Variants in DIS3L2 observed in about 807,000 individuals in gnomAD.
DIS3L2 encodes the protein DIS3 like 3'-5' exoribonuclease 2.
A neutral mutation model predicts 97.5 loss-of-function variants in DIS3L2; 34 were observed. That is an observed-to-expected ratio of 0.35 (90% CI 0.27 to 0.46). DIS3L2 has a LOEUF of 0.46. DIS3L2 is among the 20% of genes least tolerant of loss of function. The pLI is 1.00. For synonymous variants in DIS3L2, 435 were observed against 445.2 expected (o/e 0.98, Z 0.29); for missense variants, 1,038 against 1,146.0 (o/e 0.91, Z 1.36).
intron 5 of DIS3L2, among the ~76,000 whole-genome samples, chr2:232,049,554 G>C (rs1257659332): frequency 6.6e-6 from 1 of 152,142 alleles, no homozygotes; most frequent in Non-Finnish European, 1.5e-5. Context: ...CAGCAAGAAA[G>C]CCCTCACCAG....
At chr2:232,316,465 G>A (rs572348916) in intron 14 of DIS3L2, among the ~76,000 whole-genome samples, 17 of 152,048 alleles carry the variant, frequency 1.1e-4, no homozygotes, top group Admixed American at 9.8e-4. Flanking sequence ...TCACTTCTCC[G>A]TGGCTGTCCG....
intron 13 of DIS3L2, among the ~76,000 whole-genome samples, chr2:232,264,992 A>G (rs1008336768): frequency 2.0e-5 from 3 of 152,230 alleles, no homozygotes; most frequent in Admixed American, 2.0e-4. Context: ...GCTGAAGAAG[A>G]CAGCAGACAT....
At chr2:232,058,687 GAGTT>G (rs1695614593) in intron 5 of DIS3L2, among the ~76,000 whole-genome samples, 1 of 152,110 alleles carries the variant, frequency 6.6e-6, no homozygotes, top group African/African-American at 2.4e-5. Context: ...AGTCAATAAG[GAGTT>G]AGATAATGCC....
intron 10 of DIS3L2, among the ~76,000 whole-genome samples, chr2:232,216,343 A>G (rs563363258): frequency 1.4e-4 from 22 of 152,252 alleles, no homozygotes; most frequent in Admixed American, 9.2e-4. Context: ...TTGGCTCTAA[A>G]TGTGGGCTTT....
At chr2:231,996,099 G>A (rs1693723316) in intron 1 of DIS3L2, among the ~76,000 whole-genome samples, 1 of 152,220 alleles carries the variant, frequency 6.6e-6, no homozygotes, top group South Asian at 2.1e-4. Flanking sequence ...GCTACAGCAA[G>A]GTCAACTAAG....
intron 14 of DIS3L2, among the ~76,000 whole-genome samples, chr2:232,321,021 G>T (rs1695416213): frequency 6.6e-6 from 1 of 152,202 alleles, no homozygotes; most frequent in Admixed American, 6.5e-5. Context: ...AGGTGGGCTT[G>T]GGTGCGGGGA....
At chr2:232,174,613 T>C (rs1328448103) in intron 9 of DIS3L2, among the ~76,000 whole-genome samples, 1 of 150,708 alleles carries the variant, frequency 6.6e-6, no homozygotes, top group Non-Finnish European at 1.5e-5. Context: ...AAAAAAATTG[T>C]TAGCTCTGTT....
intron 10 of DIS3L2, among the ~76,000 whole-genome samples, chr2:232,220,649 G>C (rs1692473675): frequency 6.6e-6 from 1 of 152,158 alleles, no homozygotes. Flanking sequence ...ATAGGTTGCA[G>C]TGAGCCAAGA....
chr2:232,343,004 G>T, intron 13 of DIS3L2: 1 of 201,096 alleles, frequency 5.0e-6, no homozygotes, highest in Admixed American at 5.6e-5. Flanking sequence ...GGGGGGCTGG[G>T]AGGGCTGAGG....
intron 13 of DIS3L2, among the ~76,000 whole-genome samples, chr2:232,271,335 T>G (rs1182605625): frequency 6.6e-6 from 1 of 152,232 alleles, no homozygotes; most frequent in Non-Finnish European, 1.5e-5. Context: ...CCTGCGTGTA[T>G]TACCTCTTGG....
chr2:232,192,077 G>A (rs1321965421), intron 9 of DIS3L2, among the ~76,000 whole-genome samples: 2 of 152,210 alleles, frequency 1.3e-5, no homozygotes, highest in Admixed American at 6.5e-5. Flanking sequence ...CTTCCATGGT[G>A]TTTGGCCAAA....
intron 5 of DIS3L2, among the ~76,000 whole-genome samples, chr2:232,059,872 T>G (rs1695654174): frequency 6.6e-6 from 1 of 152,164 alleles, no homozygotes; most frequent in Admixed American, 6.5e-5. Context: ...ATTTTCTTTA[T>G]CCAGTCCAAT....
At chr2:232,116,236 A>C (rs534438285) in intron 6 of DIS3L2, among the ~76,000 whole-genome samples, 11 of 152,042 alleles carry the variant, frequency 7.2e-5, no homozygotes, top group African/African-American at 2.4e-4. Context: ...GATGAATACT[A>C]TTGTGAAGTT....
chr2:231,961,764 C>G lies in DIS3L2; in HGVS notation c.-95C>G, dbSNP rs748871880. On this transcript the variant is annotated splice_region_variant and 5_prime_UTR_variant, in exon 1 of 21. Coordinates refer to ENST00000325385, the MANE Select transcript of DIS3L2 (RefSeq NM_152383.5). The stretch of plus-strand genomic sequence containing the variant: ...GGCGGCGCCGGCCTCCGGGGAGAAA[C>G]GGTGAGGCCCTCACTCGCCTGCCCC... The G allele has an allele frequency of 6.5e-6, 1 of 153,178 alleles. No homozygotes were observed. The highest frequency in any genetic ancestry group is 1.5e-5 in the Non-Finnish European group (1 of 68,734). The allele number at this position is 153,178 out of a possible 1,614,324, so 9.5% of individuals were successfully genotyped here.
At chr2:232,058,964 A>AT (rs952236227) in intron 5 of DIS3L2, among the ~76,000 whole-genome samples, 12 of 151,936 alleles carry the variant, frequency 7.9e-5, no homozygotes, top group African/African-American at 2.4e-4. Context: ...CTTATGACTT[A>AT]TTTTTTTTCT....
At chr2:232,133,785 A>G (rs1211098506) in intron 7 of DIS3L2, among the ~76,000 whole-genome samples, 3 of 151,946 alleles carry the variant, frequency 2.0e-5, no homozygotes, top group Non-Finnish European at 4.4e-5. Flanking sequence ...CAGGAGTTCA[A>G]GACCAGCCTG....
chr2:232,006,110 C>T (rs1694046356), intron 1 of DIS3L2, among the ~76,000 whole-genome samples: 1 of 152,172 alleles, frequency 6.6e-6, no homozygotes, highest in African/African-American at 2.4e-5. Flanking sequence ...TTGCTTGAAC[C>T]CGGGAGGCAG....
intron 9 of DIS3L2, among the ~76,000 whole-genome samples, chr2:232,205,229 T>C (rs1042535618): frequency 6.7e-6 from 1 of 149,096 alleles, no homozygotes; most frequent in African/African-American, 2.5e-5. Flanking sequence ...TATATATATA[T>C]ATATATATAA....
At chr2:232,103,538 A>G (rs1414977096) in intron 6 of DIS3L2, among the ~76,000 whole-genome samples, 4 of 152,166 alleles carry the variant, frequency 2.6e-5, no homozygotes, top group African/African-American at 9.7e-5. Flanking sequence ...TCATCTGACC[A>G]TGACCTTCAT....
Sources: gnomAD v4.1 joint callset for allele counts (sites outside exome capture counted in the v4.1 genomes callset) on GRCh38, gnomAD v4.1.1 for gene constraint, MANE v1.5 for transcripts, NCBI Gene and HGNC (gene_info 2026-07-23, HGNC 2026-07-21) for gene names.